Variants in MTCH1 observed in about 807,000 individuals in gnomAD.
MTCH1 encodes the protein mitochondrial carrier 1.
A neutral mutation model predicts 49.3 loss-of-function variants in MTCH1; 23 were observed. The observed-to-expected ratio is 0.47, with a 90% confidence interval of 0.34 to 0.66. The LOEUF (loss-of-function observed/expected upper bound fraction) is 0.66. Ranked by LOEUF, MTCH1 falls within the 30% of genes least tolerant of loss-of-function variation. MTCH1 has a pLI of 0.01. For missense variants in MTCH1, 397 were observed against 532.1 expected (o/e 0.75, Z 2.50); for synonymous variants, 229 against 215.2 (o/e 1.06, Z -0.56).
intron 2 of MTCH1, among the ~76,000 whole-genome samples, chr6:36,979,440 G>T (rs1764011726): frequency 6.6e-6 from 1 of 152,224 alleles, no homozygotes; most frequent in South Asian, 2.1e-4. Context: ...GAAGCTAGCA[G>T]AACATTCTCT....
upstream of MTCH1, chr6:36,986,212 G>T: frequency 1.4e-6 from 2 of 1,395,384 alleles, no homozygotes; most frequent in South Asian, 3.0e-5. Context: ...CACGTGACGG[G>T]GCCACGCCCC....
chr6:36,984,201 C>T (rs1380285844), intron 1 of MTCH1, among the ~76,000 whole-genome samples: 5 of 95,564 alleles, frequency 5.2e-5, no homozygotes, highest in Non-Finnish European at 6.6e-5. Flanking sequence ...ACCCTCACTT[C>T]TCAGGTCCAA....
At chr6:36,970,549 G>A in intron 9 of MTCH1, 76 bp from the exon 10 acceptor site, 1 of 1,607,160 alleles carries the variant, frequency 6.2e-7, no homozygotes, top group Non-Finnish European at 8.5e-7. Context: ...CCAACACCCT[G>A]TACCAAGACC....
chr6:36,973,402 T>C (rs915568988), intron 7 of MTCH1, among the ~76,000 whole-genome samples: 20 of 152,066 alleles, frequency 1.3e-4, no homozygotes, highest in African/African-American at 4.8e-4. Flanking sequence ...TGTTTGCTTG[T>C]TTAGGTACAG....
At position 36,969,486 on chromosome 6, in the gene MTCH1, G is replaced by A; in HGVS notation, c.1099-512C>T. 5.5e-6 allele frequency: 6 copies of A among 1,081,280 alleles called. No homozygotes were observed. In the South Asian group the frequency reaches 1.6e-4, roughly 29 times the overall value. The allele number at this position is 1,081,280 out of a possible 1,614,324, so 67.0% of individuals were successfully genotyped here. ...CCAAAGCCTGGACCCCTGACTGCTG[G>A]GCCCAAGAGCTCCAGCTACGGAGAG... On this transcript the variant is annotated intron_variant, in intron 11 of 11. Transcript: ENST00000373627.
Position 36,978,097 on chromosome 6 carries a change from A to G in MTCH1, c.572T>C (p.Leu191Pro). 1 of 1,613,224 alleles carries G rather than the reference A, an allele frequency of 6.2e-7. No homozygotes were observed. The highest frequency in any genetic ancestry group is 8.5e-7 in the Non-Finnish European group (1 of 1,179,164). ...VSNKDDMKTS[L>P]KKVVKETSYE... ...ACCCACCTCCTTCACAACTTTCTTC[A>G]GGGAAGTCTTCATATCATCCTTGTT... is the stretch of plus-strand genomic sequence containing the variant. Residue 191 changes from leucine (L) to proline (P), a missense_variant, in exon 4 of 12, where the codon CTG becomes CCG. This residue lies in a region of MTCH1 where 252 missense variants were observed against 388.3 expected (regional missense o/e 0.65). Coordinates refer to ENST00000373627, the MANE Select transcript of MTCH1 (RefSeq NM_001271641.2).
chr6:36,974,096 G>A (rs1295882868), intron 7 of MTCH1, among the ~76,000 whole-genome samples: 1 of 152,176 alleles, frequency 6.6e-6, no homozygotes, highest in African/African-American at 2.4e-5. Context: ...CCAGGTACAT[G>A]TGCAAATATA....
intron 8 of MTCH1, chr6:36,970,993 G>A (rs1348024213): frequency 8.3e-6 from 4 of 481,516 alleles, no homozygotes; most frequent in African/African-American, 7.8e-5. Context: ...TCAACATCCA[G>A]GGCTTGGCAC....
rs1763623184 is a variant in MTCH1, at chr6:36,970,090, G to A, written c.1047C>T (p.Tyr349=). 1 of 1,614,180 alleles carries A rather than the reference G, an allele frequency of 6.2e-7. No individual in the cohort carries two copies. The highest frequency in any genetic ancestry group is 2.2e-5 in the East Asian group (1 of 44,892). Residue 349 remains tyrosine (Y), a synonymous_variant, in exon 11 of 12, where the codon TAC becomes TAT. Coordinates refer to ENST00000373627, the MANE Select transcript of MTCH1 (RefSeq NM_001271641.2). ...NCGLQAGLPP[Y]SPVFKSWIHC... Reference sequence around the variant, plus strand: ...GAATCCAGGATTTGAACACTGGGGAGTAAGGGGGGAGCCCAGCTTGCAGCC... The same window carrying A: ...GAATCCAGGATTTGAACACTGGGGAATAAGGGGGGAGCCCAGCTTGCAGCC...
intron 7 of MTCH1, among the ~76,000 whole-genome samples, chr6:36,974,392 C>T (rs1763788991): frequency 6.6e-6 from 1 of 152,110 alleles, no homozygotes; most frequent in African/African-American, 2.4e-5. Context: ...TTTGTAGAGA[C>T]AGAAGTCTCA....
intron 2 of MTCH1, among the ~76,000 whole-genome samples, chr6:36,979,902 G>A (rs1335513149): frequency 6.6e-6 from 1 of 152,212 alleles, no homozygotes; most frequent in Admixed American, 6.5e-5. Flanking sequence ...AAGTGAGAGC[G>A]GAGGGAGGCG....
chr6:36,984,690 C>A (rs1188732563), intron 1 of MTCH1, among the ~76,000 whole-genome samples: 1 of 152,068 alleles, frequency 6.6e-6, no homozygotes, highest in Non-Finnish European at 1.5e-5. Context: ...CTAATTCTCA[C>A]ACCTCCACAC....
chr6:36,971,437 C>A (rs3778027), intron 8 of MTCH1, among the ~76,000 whole-genome samples: 1 of 152,072 alleles, frequency 6.6e-6, no homozygotes, highest in South Asian at 2.1e-4. Context: ...AACCACTTAG[C>A]GGTGCACTCC....
chr6:36,986,309 C>A (rs967318386), upstream of MTCH1: 17 of 807,500 alleles, frequency 2.1e-5, no homozygotes, highest in African/African-American at 3.7e-5. Flanking sequence ...TGGGACACGC[C>A]GGATGTGGCT....
At chr6:36,986,412 C>T (rs1298237802), upstream of MTCH1, 4 of 333,504 alleles carry the variant, frequency 1.2e-5, no homozygotes, top group Non-Finnish European at 2.1e-5. Context: ...GGAGCTGTGG[C>T]GGCAGCCGCA....
intron 7 of MTCH1, among the ~76,000 whole-genome samples, chr6:36,973,700 C>A (rs1040646601): frequency 6.6e-6 from 1 of 152,126 alleles, no homozygotes; most frequent in Non-Finnish European, 1.5e-5. Flanking sequence ...GAGAAAGAAC[C>A]CAAAGAGTAG....
chr6:36,981,859 C>T (rs9470450), intron 1 of MTCH1, among the ~76,000 whole-genome samples, 187 bp from the exon 2 acceptor site: 6,139 of 152,224 alleles, frequency 0.04, 409 homozygotes, highest in African/African-American at 0.14. Context: ...ATTGGCAGCA[C>T]GTAAACTCCC....
At chr6:36,984,871 C>T (rs1277728660) in intron 1 of MTCH1, among the ~76,000 whole-genome samples, 4 of 152,104 alleles carry the variant, frequency 2.6e-5, no homozygotes, top group African/African-American at 9.7e-5. Context: ...TCCACTGTCC[C>T]TTCTGCCCAA....
intron 2 of MTCH1, among the ~76,000 whole-genome samples, 153 bp downstream of exon 2, chr6:36,981,435 G>A (rs556626804): frequency 2.6e-5 from 4 of 152,270 alleles, no homozygotes; most frequent in African/African-American, 7.2e-5. Context: ...CCGACACCAT[G>A]TCCTCTCTGT....
Sources: gnomAD v4.1 joint callset for allele counts (sites outside exome capture counted in the v4.1 genomes callset) on GRCh38, gnomAD v4.1.1 for gene constraint, gnomAD v4.1.1 regional missense constraint, MANE v1.5 for transcripts, NCBI Gene and HGNC (gene_info 2026-07-23, HGNC 2026-07-21) for gene names.